HUNK: variants seen among roughly 807,000 people sequenced by gnomAD.
HUNK encodes hormonally up-regulated neu tumor-associated kinase.
A neutral mutation model predicts 61.0 loss-of-function variants in HUNK; 21 were observed. The observed-to-expected ratio is 0.34, with a 90% CI of 0.24 to 0.50. The LOEUF (loss-of-function observed/expected upper bound fraction) is 0.50. Ranked by LOEUF, HUNK falls within the 20% of genes least tolerant of loss-of-function variation. The pLI is 0.98. For missense variants in HUNK, 772 were observed against 945.7 expected, an observed-to-expected ratio of 0.82 and a Z score of 2.41; for synonymous variants, 371 against 386.1, an observed-to-expected ratio of 0.96 and a Z score of 0.46.
chr21:31,968,842 TTGTGTGTGTGTGTGTG>T (rs56695834), intron 6 of HUNK, among the ~76,000 whole-genome samples: 10 of 140,470 alleles, frequency 7.1e-5, no homozygotes, highest in Admixed American at 2.9e-4. Context: ...GTGTGTAAAT[TTGTGTGTGTGTGTGTG>T]TGTGTGTGTG....
intron 2 of HUNK, among the ~76,000 whole-genome samples, chr21:31,938,427 T>G (rs2052746474): frequency 6.6e-6 from 1 of 152,218 alleles, no homozygotes; most frequent in Non-Finnish European, 1.5e-5. Context: ...AATCCAGACC[T>G]CTGGCTTCTT....
At chr21:31,953,712 G>T (rs934473561) in intron 4 of HUNK, among the ~76,000 whole-genome samples, 1 of 152,170 alleles carries the variant, frequency 6.6e-6, no homozygotes, top group African/African-American at 2.4e-5. Flanking sequence ...CGATCTGAGA[G>T]GTAGGTACTA....
chr21:31,989,577 G>A (rs2053157033), intron 8 of HUNK, among the ~76,000 whole-genome samples: 1 of 152,230 alleles, frequency 6.6e-6, no homozygotes, highest in African/African-American at 2.4e-5. Context: ...AGCTGGGTGT[G>A]GTGGTGCACG....
At chr21:31,940,641 G>A (rs1345868737) in intron 3 of HUNK, among the ~76,000 whole-genome samples, 1 of 152,050 alleles carries the variant, frequency 6.6e-6, no homozygotes, top group Non-Finnish European at 1.5e-5. Context: ...TGGTACAATG[G>A]GAGCTGTGCA....
At chr21:31,981,123 A>G (rs1023449978) in intron 7 of HUNK, among the ~76,000 whole-genome samples, 1 of 152,180 alleles carries the variant, frequency 6.6e-6, no homozygotes, top group Non-Finnish European at 1.5e-5. Flanking sequence ...TCCTTTCCCC[A>G]TTCTGTGTTC....
chr21:31,957,019 TCA>T (rs2052894180), intron 4 of HUNK, among the ~76,000 whole-genome samples: 1 of 152,234 alleles, frequency 6.6e-6, no homozygotes, highest in East Asian at 1.9e-4. Flanking sequence ...ACACATGAGC[TCA>T]CACACATGCA....
chr21:31,924,759 A>G lies in HUNK; in HGVS notation c.553A>G (p.Arg185Gly). 6.2e-7 allele frequency: 1 copy of G among 1,602,322 alleles called. No individual in the cohort carries two copies. Among genetic ancestry groups the G allele is most frequent in the Non-Finnish European group, 8.5e-7 (1 of 1,174,704 alleles). Reference sequence around the variant, plus strand: ...CCTGCACCGGGCCGGGGTGGTCCACAGGTAAGGGCCAGGCCACGCTGGTGA... The same window carrying G: ...CCTGCACCGGGCCGGGGTGGTCCACGGGTAAGGGCCAGGCCACGCTGGTGA... The part of the protein sequence containing the change: ...EHLHRAGVVH[R>G]DLKIENLLLD... The change falls in exon 2 of 11, where the codon AGA (arginine) becomes GGA (glycine). Residue 185 changes from arginine to glycine, a missense_variant and splice_region_variant. Arg to Gly is a moderately radical substitution (Grantham distance 125). This residue lies in a region of HUNK where 359 missense variants were observed against 501.3 expected (regional missense o/e 0.72). Transcript: ENST00000270112. This position sits in a 1 kb window ranked among gnomAD's most constrained non-coding sequence, Gnocchi z 5.1.
chr21:31,982,696 G>A (rs755021043), intron 7 of HUNK, among the ~76,000 whole-genome samples: 27 of 152,186 alleles, frequency 1.8e-4, no homozygotes, highest in Non-Finnish European at 3.2e-4. Context: ...TATCTTCTTT[G>A]AGCTATGTTA....
intron 1 of HUNK, among the ~76,000 whole-genome samples, chr21:31,889,850 AC>A (rs1433758768): frequency 6.6e-6 from 1 of 152,184 alleles, no homozygotes; most frequent in African/African-American, 2.4e-5. Context: ...GTGCGGGGTA[AC>A]AGATAGTTTC....
intron 5 of HUNK, among the ~76,000 whole-genome samples, chr21:31,962,992 G>A (rs183988419): frequency 1.3e-5 from 2 of 152,364 alleles, no homozygotes; most frequent in Non-Finnish European, 2.9e-5. Context: ...ATCTTATCTG[G>A]TTCATAGAGT....
In HUNK at chr21:31,988,467, C is replaced by G. The variant is rs181090577; in HGVS notation, c.1258-1662C>G. 6.1e-4 allele frequency among the ~76,000 whole-genome samples: 93 copies of G among 152,236 alleles called. 2 individuals are homozygous for G. The highest frequency in any genetic ancestry group is 2.3e-3 in the Admixed American group (35 of 15,286). On this transcript the variant is annotated intron_variant, in intron 8 of 10. Coordinates refer to ENST00000270112, the MANE Select transcript of HUNK (RefSeq NM_014586.2). ...CAGGGAACTGGATTCGTCTGCTTGG[C>G]TGCTCTAACAAGCACCACAAAATGG...
chr21:31,963,274 T>C (rs1013726791), intron 5 of HUNK, among the ~76,000 whole-genome samples: 1 of 152,238 alleles, frequency 6.6e-6, no homozygotes, highest in Non-Finnish European at 1.5e-5. Context: ...AGATTAAGTC[T>C]GCTTGACTGA....
intron 6 of HUNK, among the ~76,000 whole-genome samples, chr21:31,972,530 A>C (rs114759256): frequency 0.018 from 2,724 of 151,892 alleles, 80 homozygotes; most frequent in African/African-American, 0.062. Flanking sequence ...CCCTGTGCAC[A>C]CCTCTCCTTT....
At chr21:31,991,229 T>C (rs527693219) in intron 9 of HUNK, among the ~76,000 whole-genome samples, 1 of 152,230 alleles carries the variant, frequency 6.6e-6, no homozygotes, top group East Asian at 1.9e-4. Flanking sequence ...CCCCACCTTT[T>C]TTTTTTGAGG....
At chr21:31,935,316 G>A (rs2052726183) in intron 2 of HUNK, among the ~76,000 whole-genome samples, 1 of 152,110 alleles carries the variant, frequency 6.6e-6, no homozygotes, top group Admixed American at 6.5e-5. Context: ...GAGAGTTCCC[G>A]CATACCTTCC....
intron 1 of HUNK, among the ~76,000 whole-genome samples, chr21:31,879,628 C>T (rs1007263848): frequency 3.9e-5 from 6 of 152,196 alleles, no homozygotes; most frequent in Admixed American, 1.3e-4. Flanking sequence ...CATACCAATC[C>T]GACTCAGGTC....
intron 4 of HUNK, among the ~76,000 whole-genome samples, chr21:31,955,546 G>A (rs868145556): frequency 5.9e-5 from 9 of 152,104 alleles, no homozygotes; most frequent in Non-Finnish European, 1.0e-4. Context: ...AGCCGAGATC[G>A]CGCCACTCTA....
intron 8 of HUNK, among the ~76,000 whole-genome samples, chr21:31,987,510 C>G (rs959479813): frequency 2.0e-5 from 3 of 152,222 alleles, no homozygotes; most frequent in African/African-American, 7.2e-5. Context: ...GGGGCCAGAA[C>G]TATAGTGGGA....
rs763925469 is a variant in HUNK, at chr21:31,924,465, T to C, written c.262-3T>C. The C allele has an allele frequency of 6.2e-7, 1 of 1,612,038 alleles. No homozygotes were observed. Among genetic ancestry groups the C allele is most frequent in the Non-Finnish European group, 8.5e-7 (1 of 1,179,216 alleles). On this transcript the variant is annotated splice_polypyrimidine_tract_variant and splice_region_variant and intron_variant, in intron 1 of 10. Transcript: ENST00000270112. This position sits in a 1 kb window ranked among gnomAD's most constrained non-coding sequence, Gnocchi z 5.1. The stretch of plus-strand genomic sequence containing the variant: ...AACAGGCATGTTCTTGTTTTCTCCT[T>C]AGGTGGCCATAAAAGTCATTGATAA...
Sources: allele counts gnomAD v4.1 joint callset (sites outside exome capture counted in the v4.1 genomes callset), GRCh38; gene constraint gnomAD v4.1.1; regional missense constraint gnomAD v4.1.1; non-coding constraint Gnocchi (gnomAD v3.1); transcripts MANE v1.5; gene names NCBI Gene and HGNC (gene_info 2026-07-23, HGNC 2026-07-21).